The following PGBD2 variants were observed in gnomAD, a reference collection of about 807,000 sequenced individuals.
PGBD2 encodes the protein piggyBac transposable element-derived protein 2.
A neutral mutation model predicts 8.1 loss-of-function variants in PGBD2; 6 were observed. That is an observed-to-expected ratio of 0.74 (90% confidence interval 0.40 to 1.46). PGBD2 has a LOEUF of 1.46. PGBD2 is among the 40% of genes most tolerant of loss of function. The pLI, the probability that PGBD2 is intolerant of heterozygous loss-of-function variation, is 0.02. For synonymous variants in PGBD2, 318 were observed against 272.2 expected, an observed-to-expected ratio of 1.17 and a Z score of -1.66; for missense variants, 802 against 739.0, an observed-to-expected ratio of 1.09 and a Z score of -0.99.
the PGBD2 span, among the ~76,000 whole-genome samples, chr1:248,928,375 T>C: frequency 1.3e-5 from 2 of 152,290 alleles, no homozygotes; most frequent in East Asian, 1.9e-4. Flanking sequence ...ATCCTTCAAC[T>C]TCCCCTCTCC....
At chr1:248,914,181 C>A (rs879596598) in intron 2 of PGBD2, among the ~76,000 whole-genome samples, 13 of 152,344 alleles carry the variant, frequency 8.5e-5, no homozygotes, top group African/African-American at 3.1e-4. Flanking sequence ...CCACCTCAGT[C>A]CCCGCAGGGT....
intron 2 of PGBD2, among the ~76,000 whole-genome samples, chr1:248,915,604 A>G (rs1279702166): frequency 6.6e-6 from 1 of 152,182 alleles, no homozygotes; most frequent in East Asian, 1.9e-4. Context: ...TTGGGATGTA[A>G]CCTGATTGTA....
At position 248,918,288 on chromosome 1, in the gene PGBD2, AC is replaced by A. The variant is rs1558290836; in HGVS notation, c.1705del (p.Gln569ArgfsTer60). 1 of 1,603,754 alleles carries A rather than the reference AC, an allele frequency of 6.2e-7. No homozygotes were observed. Among genetic ancestry groups the A allele is most frequent in the Admixed American group, 1.7e-5 (1 of 59,272 alleles). On this transcript the variant is annotated frameshift_variant, in exon 3 of 3. Transcript: ENST00000329291. LOFTEE classifies it high-confidence loss of function. ...KRTRCALCHS[Q>X]TNTRCEKCQK... Reference sequence around the variant, plus strand: ...GGACCCGGTGTGCCCTCTGCCACTCACAGACCAACACCCGGTGTGAGAAGTG... The same window carrying A: ...GGACCCGGTGTGCCCTCTGCCACTCAAGACCAACACCCGGTGTGAGAAGTG...
chr1:248,904,790 A>C (rs1408638212), upstream of PGBD2, among the ~76,000 whole-genome samples: 2 of 152,242 alleles, frequency 1.3e-5, no homozygotes, highest in East Asian at 3.8e-4. Flanking sequence ...CAAATTATTT[A>C]AAACTGAATT....
the PGBD2 span, among the ~76,000 whole-genome samples, chr1:248,881,175 A>G: frequency 2.9e-4 from 44 of 152,290 alleles, no homozygotes; most frequent in Middle Eastern, 0.014. Context: ...AGAGCCAGAA[A>G]ATTAGCTTAA....
chr1:248,893,206 T>C, the PGBD2 span, among the ~76,000 whole-genome samples: 1 of 152,246 alleles, frequency 6.6e-6, no homozygotes, highest in Non-Finnish European at 1.5e-5. Flanking sequence ...AGTTTCCTTT[T>C]ATCCCTTTGT....
At chr1:248,909,193 G>A (rs1269678227) in intron 1 of PGBD2, among the ~76,000 whole-genome samples, 1 of 152,168 alleles carries the variant, frequency 6.6e-6, no homozygotes, top group Non-Finnish European at 1.5e-5. Context: ...CTCAGGCAGG[G>A]CAAGAAAGAT....
chr1:248,915,483 T>G (rs551843039), intron 2 of PGBD2, among the ~76,000 whole-genome samples: 1 of 152,386 alleles, frequency 6.6e-6, no homozygotes, highest in South Asian at 2.1e-4. Flanking sequence ...TAGGCTAATG[T>G]AAATGTTCTG....
chr1:248,913,627 T>A (rs1661988598), intron 1 of PGBD2, among the ~76,000 whole-genome samples, 189 bp from the exon 2 acceptor site: 1 of 152,186 alleles, frequency 6.6e-6, no homozygotes, highest in Admixed American at 6.5e-5. Context: ...TACTTTAGAA[T>A]GTATTTTGGT....
chr1:248,907,428 A>T (rs1223145195), intron 1 of PGBD2, among the ~76,000 whole-genome samples: 3 of 152,204 alleles, frequency 2.0e-5, no homozygotes, highest in African/African-American at 4.8e-5. Flanking sequence ...GCCTTCATCT[A>T]TCTCAACTGC....
chr1:248,918,057 T>C lies in PGBD2; in HGVS notation c.1473T>C (p.Ile491=), dbSNP rs1441097378. ...KWYSSFIGYV[I]DAALNNAWQL... Reference sequence around the variant, plus strand: ...ACTCAAGCTTTATTGGCTATGTCATTGATGCTGCCCTCAACAATGCATGGC... The same window carrying C: ...ACTCAAGCTTTATTGGCTATGTCATCGATGCTGCCCTCAACAATGCATGGC... The change falls in exon 3 of 3, where the codon ATT becomes ATC. Residue 491 remains isoleucine (I), a synonymous_variant. Coordinates refer to ENST00000329291, the MANE Select transcript of PGBD2 (RefSeq NM_170725.3). The C allele has an allele frequency of 1.2e-5, 19 of 1,614,124 alleles. No individual in the cohort carries two copies. The highest frequency in any genetic ancestry group is 3.3e-4 in the Middle Eastern group (2 of 6,084).
chr1:248,913,153 T>TC (rs960768622), intron 1 of PGBD2, among the ~76,000 whole-genome samples: 1 of 151,896 alleles, frequency 6.6e-6, no homozygotes, highest in Non-Finnish European at 1.5e-5. Context: ...GGCCTTCCTC[T>TC]CCCCCCTCAC....
chr1:248,923,035 C>G (rs1381074685), downstream of PGBD2, among the ~76,000 whole-genome samples: 1 of 152,160 alleles, frequency 6.6e-6, no homozygotes, highest in East Asian at 1.9e-4. Flanking sequence ...AGGAATGGTA[C>G]CAGCTCCTGT....
chr1:248,928,169 A>T, the PGBD2 span, among the ~76,000 whole-genome samples: 2 of 152,184 alleles, frequency 1.3e-5, no homozygotes, highest in East Asian at 1.9e-4. Context: ...TTTCTTTTTT[A>T]AAAAATTATA....
chr1:248,922,221 A>G (rs1662300270), downstream of PGBD2, among the ~76,000 whole-genome samples: 2 of 151,872 alleles, frequency 1.3e-5, no homozygotes, highest in Non-Finnish European at 2.9e-5. Context: ...CACCATGCCC[A>G]GCTAGTTTTT....
chr1:248,883,796 A>G, the PGBD2 span, among the ~76,000 whole-genome samples: 8 of 151,190 alleles, frequency 5.3e-5, no homozygotes, highest in Non-Finnish European at 1.0e-4. Flanking sequence ...ACTGGGTTTC[A>G]CCATGTTAGC....
the PGBD2 span, among the ~76,000 whole-genome samples, chr1:248,873,855 G>A: frequency 2.6e-5 from 4 of 152,324 alleles, no homozygotes; most frequent in African/African-American, 9.6e-5. Context: ...GCTTCCGAGT[G>A]TCAGGATGGC....
chr1:248,911,636 A>ACCTC (rs1353073406), intron 1 of PGBD2, among the ~76,000 whole-genome samples: 2 of 134,534 alleles, frequency 1.5e-5, no homozygotes, highest in African/African-American at 6.2e-5. Flanking sequence ...TGTTGGGCAC[A>ACCTC]CCTCCCAGAC....
the PGBD2 span, among the ~76,000 whole-genome samples, chr1:248,876,331 A>G: frequency 3.2e-4 from 49 of 152,308 alleles, no homozygotes; most frequent in East Asian, 5.2e-3. Context: ...TATCAAAAAC[A>G]TTTTGACTGT....
Sources: gnomAD v4.1 joint callset for allele counts (sites outside exome capture counted in the v4.1 genomes callset) on GRCh38, gnomAD v4.1.1 for gene constraint, MANE v1.5 for transcripts, NCBI Gene and HGNC (gene_info 2026-07-23, HGNC 2026-07-21) for gene names.